The following SYT1 variants were observed in gnomAD, a reference collection of about 807,000 sequenced individuals.
The protein encoded by SYT1 is synaptotagmin-1.
A neutral mutation model predicts 44.8 loss-of-function variants in SYT1; 8 were observed. The ratio of observed to expected loss-of-function variants is 0.18; its 90% confidence interval spans 0.10 to 0.32. SYT1 has a LOEUF of 0.32. SYT1 is among the 10% of genes least tolerant of loss of function. SYT1 has a pLI of 1.00. For missense variants in SYT1, 286 were observed against 509.3 expected (o/e 0.56, Z 4.22); for synonymous variants, 154 against 188.8 (o/e 0.82, Z 1.51).
chr12:79,355,012 C>T (rs1332186682), intron 9 of SYT1, among the ~76,000 whole-genome samples: 1 of 152,148 alleles, frequency 6.6e-6, no homozygotes, highest in Non-Finnish European at 1.5e-5. Flanking sequence ...CTATCTGCTT[C>T]AGCAGATAGG....
At chr12:79,423,219 T>G (rs1869227393) in intron 9 of SYT1, among the ~76,000 whole-genome samples, 1 of 152,144 alleles carries the variant, frequency 6.6e-6, no homozygotes, top group Non-Finnish European at 1.5e-5. Flanking sequence ...CATGCATGCT[T>G]TGTTTTGTTT....
At chr12:79,212,682 T>C (rs1383114259) in intron 3 of SYT1, among the ~76,000 whole-genome samples, 1 of 152,218 alleles carries the variant, frequency 6.6e-6, no homozygotes, top group African/African-American at 2.4e-5. Flanking sequence ...TTAAGTACTA[T>C]GTTTCCTTTC....
chr12:79,131,751 A>G (rs966619509), intron 3 of SYT1, among the ~76,000 whole-genome samples: 3 of 152,338 alleles, frequency 2.0e-5, no homozygotes, highest in East Asian at 3.9e-4. Flanking sequence ...TACTGATAAT[A>G]TATTTATTTT....
At chr12:79,406,225 AAAC>A (rs1885239179) in intron 9 of SYT1, among the ~76,000 whole-genome samples, 1 of 152,116 alleles carries the variant, frequency 6.6e-6, no homozygotes, top group Admixed American at 6.6e-5. Flanking sequence ...GATACTTCCT[AAAC>A]AACAGTCACA....
intron 9 of SYT1, among the ~76,000 whole-genome samples, chr12:79,382,091 T>C (rs1295478761): frequency 6.6e-6 from 1 of 152,140 alleles, no homozygotes; most frequent in Non-Finnish European, 1.5e-5. Flanking sequence ...CAATCAGTCG[T>C]CAGGGTACCC....
At chr12:79,425,947 C>T (rs961228400) in intron 9 of SYT1, among the ~76,000 whole-genome samples, 4 of 152,198 alleles carry the variant, frequency 2.6e-5, no homozygotes, top group African/African-American at 9.6e-5. Context: ...ATGGTAGCTC[C>T]TCTTAGAATA....
At chr12:79,205,432 A>C (rs976705297) in intron 3 of SYT1, among the ~76,000 whole-genome samples, 5 of 152,214 alleles carry the variant, frequency 3.3e-5, no homozygotes, top group African/African-American at 4.8e-5. Flanking sequence ...TTTTAAAATA[A>C]ATATGGTTTT....
intron 1 of SYT1, among the ~76,000 whole-genome samples, chr12:78,940,692 T>A (rs1247182927): frequency 6.6e-6 from 1 of 152,136 alleles, no homozygotes; most frequent in Non-Finnish European, 1.5e-5. Flanking sequence ...CTAGTCACTT[T>A]AAGTAAAATT....
At chr12:78,991,626 T>G (rs1272203621) in intron 2 of SYT1, among the ~76,000 whole-genome samples, 1 of 152,174 alleles carries the variant, frequency 6.6e-6, no homozygotes, top group Admixed American at 6.5e-5. Flanking sequence ...CTATTTAAAA[T>G]TAGAAATTAG....
At chr12:79,379,975 AG>A (rs1884150595) in intron 9 of SYT1, among the ~76,000 whole-genome samples, 1 of 152,182 alleles carries the variant, frequency 6.6e-6, no homozygotes, top group Non-Finnish European at 1.5e-5. Flanking sequence ...CATCTAACCC[AG>A]GCCTTCTAAC....
chr12:79,105,805 G>A (rs1198768171), intron 3 of SYT1, among the ~76,000 whole-genome samples: 4 of 151,984 alleles, frequency 2.6e-5, no homozygotes, highest in South Asian at 2.1e-4. Context: ...GCATGAACCC[G>A]GGAGGCGGAG....
intron 9 of SYT1, among the ~76,000 whole-genome samples, chr12:79,358,493 A>G (rs138787302): frequency 4.7e-4 from 71 of 152,288 alleles, no homozygotes; most frequent in African/African-American, 1.6e-3. Flanking sequence ...ACCAGTGAGA[A>G]AATTGAAGCT....
At chr12:78,902,570 A>G (rs1263629832) in intron 1 of SYT1, among the ~76,000 whole-genome samples, 1 of 152,184 alleles carries the variant, frequency 6.6e-6, no homozygotes, top group Non-Finnish European at 1.5e-5. Flanking sequence ...TTTGAACTAT[A>G]GCAATACTAT....
At chr12:79,107,439 T>C (rs1256975649) in intron 3 of SYT1, among the ~76,000 whole-genome samples, 1 of 151,954 alleles carries the variant, frequency 6.6e-6, no homozygotes, top group Non-Finnish European at 1.5e-5. Context: ...GTATAAAATA[T>C]ATACCAACAA....
chr12:79,319,134 A>G (rs905023864), intron 8 of SYT1, among the ~76,000 whole-genome samples: 2 of 152,174 alleles, frequency 1.3e-5, no homozygotes, highest in Non-Finnish European at 2.9e-5. Context: ...AATGGAACCT[A>G]TGTGTCGCAG....
chr12:78,978,529 G>T (rs1251629260), intron 2 of SYT1, among the ~76,000 whole-genome samples: 3 of 152,182 alleles, frequency 2.0e-5, no homozygotes, highest in African/African-American at 7.2e-5. Flanking sequence ...GTATCTGTTT[G>T]TCTTAACTAA....
At chr12:79,013,267 G>A (rs1871541685) in intron 2 of SYT1, among the ~76,000 whole-genome samples, 1 of 151,982 alleles carries the variant, frequency 6.6e-6, no homozygotes, top group African/African-American at 2.4e-5. Context: ...TATTGCCTAA[G>A]CATAGTAGGT....
At chr12:78,946,872 T>C (rs1032313681) in intron 1 of SYT1, among the ~76,000 whole-genome samples, 1 of 152,122 alleles carries the variant, frequency 6.6e-6, no homozygotes, top group Non-Finnish European at 1.5e-5. Context: ...AGAAGATATG[T>C]TTTTAGCTAA....
intron 8 of SYT1, among the ~76,000 whole-genome samples, chr12:79,351,160 T>C (rs1053925757): frequency 6.6e-6 from 1 of 152,190 alleles, no homozygotes; most frequent in African/African-American, 2.4e-5. Context: ...TAAACACTCA[T>C]TCTTCTCCCA....
Sources: gnomAD v4.1 joint callset for allele counts (sites outside exome capture counted in the v4.1 genomes callset) on GRCh38, gnomAD v4.1.1 for gene constraint, MANE v1.5 for transcripts, NCBI Gene and HGNC (gene_info 2026-07-23, HGNC 2026-07-21) for gene names.